Variants in ZNFX1 observed in about 807,000 individuals in gnomAD.
ZNFX1 encodes zinc finger NFX1-type containing 1.
ZNFX1 carries 78 observed loss-of-function variants against 179.8 expected under a neutral mutation model. The ratio of observed to expected loss-of-function variants is 0.43; its 90% confidence interval spans 0.36 to 0.52. The LOEUF (loss-of-function observed/expected upper bound fraction) is 0.52, where lower values mean the gene tolerates loss of function less well. ZNFX1 is among the 20% of genes least tolerant of loss of function. The probability of loss-of-function intolerance (pLI) is 0.00; values close to 1 mark genes in which losing one functional copy is unlikely to be tolerated. For missense variants in ZNFX1, 1,927 were observed against 2,386.6 expected (o/e 0.81, Z 4.01); for synonymous variants, 848 against 868.5 (o/e 0.98, Z 0.42).
At chr20:49,275,122 CA>C (rs11477284) in intron 2 of ZNFX1, among the ~76,000 whole-genome samples, 45,827 of 145,048 alleles carry the variant, frequency 0.32, 8,148 homozygotes, top group Middle Eastern at 0.48. Flanking sequence ...GACTCTGTCT[CA>C]AAAAAAAAAA....
Position 49,254,653 on chromosome 20 carries a change from G to C in ZNFX1, c.2805-4C>G, listed in dbSNP as rs932246163. ...CTGGTACAACTGTAGCCAGAGCCTGGAGAATGGGAAGAACCAAGGAAAGAA... is the reference window on the plus strand; with the variant it reads ...CTGGTACAACTGTAGCCAGAGCCTGCAGAATGGGAAGAACCAAGGAAAGAA... On this transcript the variant is annotated splice_region_variant and splice_polypyrimidine_tract_variant and intron_variant, in intron 9 of 13. Coordinates refer to ENST00000396105, the MANE Select transcript of ZNFX1 (RefSeq NM_021035.3). 7.4e-6 allele frequency: 12 copies of C among 1,612,680 alleles called. No individual in the cohort carries two copies. Among genetic ancestry groups the C allele is most frequent in the Non-Finnish European group, 1.0e-5 (12 of 1,179,316 alleles).
At chr20:49,252,650 G>T in intron 12 of ZNFX1, 70 bp downstream of exon 12, 1 of 1,077,342 alleles carries the variant, frequency 9.3e-7, no homozygotes, top group Non-Finnish European at 1.4e-6. Flanking sequence ...GACCTCTTTT[G>T]CTGGCAACTG....
At chr20:49,273,907 G>A (rs1981486416) in intron 2 of ZNFX1, among the ~76,000 whole-genome samples, 1 of 152,222 alleles carries the variant, frequency 6.6e-6, no homozygotes, top group Non-Finnish European at 1.5e-5. Flanking sequence ...TCCAGCCTGG[G>A]CAACAGAGCA....
chr20:49,275,588 C>T (rs564435677), intron 2 of ZNFX1, among the ~76,000 whole-genome samples, 191 bp downstream of exon 2: 40 of 152,242 alleles, frequency 2.6e-4, no homozygotes, highest in Non-Finnish European at 4.3e-4. Flanking sequence ...ATCCCCTGGG[C>T]GTAAACAATC....
chr20:49,250,930 T>C (rs1304694309), intron 13 of ZNFX1, among the ~76,000 whole-genome samples: 2 of 152,142 alleles, frequency 1.3e-5, no homozygotes, highest in African/African-American at 4.8e-5. Context: ...AGGATGGTCT[T>C]GATCCCTTGA....
intron 3 of ZNFX1, among the ~76,000 whole-genome samples, chr20:49,266,926 C>T (rs1981248159): frequency 1.3e-5 from 2 of 152,118 alleles, no homozygotes; most frequent in South Asian, 2.1e-4. Context: ...GATGGAGTTT[C>T]GCTCTTGTTG....
chr20:49,259,118 A>T (rs937236591), intron 7 of ZNFX1, among the ~76,000 whole-genome samples: 2 of 134,696 alleles, frequency 1.5e-5, no homozygotes, highest in African/African-American at 5.4e-5. Context: ...TCAAAAAAAA[A>T]TAAATAAATA....
At chr20:49,269,112 C>T (rs191516888) in intron 3 of ZNFX1, among the ~76,000 whole-genome samples, 1 of 152,138 alleles carries the variant, frequency 6.6e-6, no homozygotes, top group Non-Finnish European at 1.5e-5. Flanking sequence ...AACCTAGATG[C>T]CCAACAATGG....
intron 6 of ZNFX1, 105 bp downstream of exon 6, chr20:49,263,229 A>G (rs1981156046): frequency 1.4e-6 from 2 of 1,380,874 alleles, no homozygotes; most frequent in Middle Eastern, 2.7e-4. Flanking sequence ...TTGTGGCAGC[A>G]TCAGATTATC....
At chr20:49,265,341 A>C (rs1237300041) in intron 4 of ZNFX1, among the ~76,000 whole-genome samples, 1 of 152,256 alleles carries the variant, frequency 6.6e-6, no homozygotes, top group East Asian at 1.9e-4. Context: ...CCAAGTTCTG[A>C]AGATATAGCA....
At chr20:49,252,949 A>G in intron 11 of ZNFX1, 119 bp from the exon 12 acceptor site, 1 of 730,268 alleles carries the variant, frequency 1.4e-6, no homozygotes, top group Non-Finnish European at 2.4e-6. Flanking sequence ...GCCAGGCACT[A>G]TTCTACATAC....
At chr20:49,271,891 G>T in intron 2 of ZNFX1, 141 bp from the exon 3 acceptor site, 2 of 973,644 alleles carry the variant, frequency 2.1e-6, no homozygotes, top group South Asian at 1.9e-5. Flanking sequence ...TTTCTACCAA[G>T]TCATATGATA....
At position 49,270,155 on chromosome 20, in the gene ZNFX1, C is replaced by T. The variant is rs1237764521; in HGVS notation, c.1657G>A (p.Gly553Ser). 1 of 1,614,034 alleles carries T rather than the reference C, an allele frequency of 6.2e-7. No individual in the cohort carries two copies. Among genetic ancestry groups the T allele is most frequent in the Non-Finnish European group, 8.5e-7 (1 of 1,179,988 alleles). The change falls in exon 3 of 14, where the codon GGC becomes AGC. Residue 553 changes from glycine (G) to serine (S), a missense_variant. Transcript: ENST00000396105. This position sits in a 1 kb window ranked among gnomAD's most constrained non-coding sequence, Gnocchi z 4.6. The stretch of plus-strand genomic sequence containing the variant: ...ATTAAGGGGGTAAAGTCGTATCTGC[C>T]CCCCATTAGCAAGTACCTTGGCTCC... ...VKEPRYLLMG[G>S]RYDFTPLIEN...
intron 2 of ZNFX1, among the ~76,000 whole-genome samples, chr20:49,274,705 A>C (rs1230200332): frequency 6.7e-6 from 1 of 149,044 alleles, no homozygotes; most frequent in Admixed American, 6.7e-5. Context: ...GTTGCAGTGA[A>C]CCGAGATCGC....
chr20:49,256,579 T>A (rs1392575049), intron 8 of ZNFX1, among the ~76,000 whole-genome samples: 5 of 152,220 alleles, frequency 3.3e-5, no homozygotes, highest in African/African-American at 1.2e-4. Context: ...TATGAGCCTT[T>A]AGAAGGCTCG....
In ZNFX1 at chr20:49,270,429, G is replaced by C. The variant is rs753478004; in HGVS notation, c.1383C>G (p.Phe461Leu). 6.2e-7 allele frequency: 1 copy of C among 1,614,066 alleles called. No homozygotes were observed. The highest frequency in any genetic ancestry group is 1.3e-5 in the African/African-American group (1 of 74,918). The change falls in exon 3 of 14, where the codon TTC becomes TTG. Residue 461 changes from phenylalanine (F) to leucine (L), a missense_variant. By Grantham distance (22) the Phe-to-Leu change is conservative. Coordinates refer to ENST00000396105, the MANE Select transcript of ZNFX1 (RefSeq NM_021035.3). This position sits in a 1 kb window ranked among gnomAD's most constrained non-coding sequence, Gnocchi z 4.6. Reference sequence around the variant, plus strand: ...ATACGGTGGCAAAAAGAAATGTCTCGAAGTTGTCCTTGGACATGCATACCA... The same window carrying C: ...ATACGGTGGCAAAAAGAAATGTCTCCAAGTTGTCCTTGGACATGCATACCA... The part of the protein sequence containing the change: ...GSLVCMSKDN[F>L]ETFLFATVSN...
In ZNFX1 at chr20:49,271,122, A is replaced by G; in HGVS notation, c.690T>C (p.Thr230=). Residue 230 remains threonine (T), a synonymous_variant, in exon 3 of 14, where the codon ACT becomes ACC. Coordinates refer to ENST00000396105, the MANE Select transcript of ZNFX1 (RefSeq NM_021035.3). The part of the protein sequence containing the change: ...CLPAYVVGMI[T]EPIPDIRNQY... ...GGTTTCGGATGTCAGGGATGGGTTCAGTGATCATCCCTACCACATAAGCAG... is the reference window on the plus strand; with the variant it reads ...GGTTTCGGATGTCAGGGATGGGTTCGGTGATCATCCCTACCACATAAGCAG... The G allele has an allele frequency of 1.2e-6, 2 of 1,614,204 alleles. No homozygotes were observed. The highest frequency in any genetic ancestry group is 1.7e-6 in the Non-Finnish European group (2 of 1,180,034).
rs138435255 is a variant in ZNFX1 at position 49,255,610 on chromosome 20, C to G, written c.2804+198G>C. Among the ~76,000 whole-genome samples the G allele has an allele frequency of 3.3e-5, 5 of 152,252 alleles. No homozygotes were observed. The East Asian group carries it at 7.7e-4, about 24-fold the overall frequency. On this transcript the variant is annotated intron_variant, in intron 9 of 13. Coordinates refer to ENST00000396105, the MANE Select transcript of ZNFX1 (RefSeq NM_021035.3). The stretch of plus-strand genomic sequence containing the variant: ...ACGAAGGTAATAATTAATTTGTTAC[C>G]CTGGATAGACTCTATAAGCTCCATG...
intron 2 of ZNFX1, among the ~76,000 whole-genome samples, chr20:49,274,605 G>A (rs183428595): frequency 0.015 from 2,331 of 151,952 alleles, 61 homozygotes; most frequent in South Asian, 0.071. Flanking sequence ...CTAAAAACAC[G>A]AAAATTAGCT....
Sources: allele counts gnomAD v4.1 joint callset (sites outside exome capture counted in the v4.1 genomes callset), GRCh38; gene constraint gnomAD v4.1.1; non-coding constraint Gnocchi (gnomAD v3.1); transcripts MANE v1.5; gene names NCBI Gene and HGNC (gene_info 2026-07-23, HGNC 2026-07-21).